Variants in GDPD4 observed in about 807,000 individuals in gnomAD.
The protein encoded by GDPD4 is glycerophosphodiester phosphodiesterase 6.
A neutral mutation model predicts 67.8 loss-of-function variants in GDPD4; 60 were observed. That is an observed-to-expected ratio of 0.88 (90% confidence interval 0.72 to 1.10). GDPD4 has a LOEUF of 1.10. Ranked by LOEUF, GDPD4 falls within the 50% of genes least tolerant of loss-of-function variation. The pLI, the probability that GDPD4 is intolerant of heterozygous loss-of-function variation, is 0.00. For synonymous variants in GDPD4, 212 were observed against 210.9 expected (o/e 1.00, Z -0.04); for missense variants, 623 against 613.9 (o/e 1.01, Z -0.16).
intron 10 of GDPD4, among the ~76,000 whole-genome samples, chr11:77,265,457 G>A (rs1034842571): frequency 6.6e-6 from 1 of 152,034 alleles, no homozygotes; most frequent in Non-Finnish European, 1.5e-5. Flanking sequence ...GAAAGCTAAC[G>A]CAATTCTTTT....
intron 11 of GDPD4, among the ~76,000 whole-genome samples, chr11:77,249,246 C>T (rs1162986672): frequency 8.0e-6 from 1 of 125,598 alleles, no homozygotes; most frequent in Non-Finnish European, 1.6e-5. Flanking sequence ...AGCCTGGCAA[C>T]AGACCGAGAC....
intron 5 of GDPD4, 131 bp downstream of exon 5, chr11:77,276,030 C>T (rs898906679): frequency 4.6e-6 from 3 of 656,310 alleles, no homozygotes; most frequent in Non-Finnish European, 8.2e-6. Context: ...AAGTAAATCT[C>T]TTCTCTCCAA....
At chr11:77,280,467 TG>T (rs1959709826) in intron 3 of GDPD4, among the ~76,000 whole-genome samples, 1 of 151,830 alleles carries the variant, frequency 6.6e-6, no homozygotes, top group Admixed American at 6.6e-5. Flanking sequence ...GCACTCTAGA[TG>T]TAGTCAAAGA....
chr11:77,258,301 A>C (rs1210125516), intron 11 of GDPD4, 85 bp downstream of exon 11: 3 of 1,312,070 alleles, frequency 2.3e-6, no homozygotes, highest in Non-Finnish European at 2.2e-6. Flanking sequence ...GCCTATCTTC[A>C]TCTATGGCCT....
intron 11 of GDPD4, among the ~76,000 whole-genome samples, chr11:77,248,394 G>A (rs186887321): frequency 5.3e-5 from 8 of 151,806 alleles, no homozygotes; most frequent in Non-Finnish European, 8.8e-5. Flanking sequence ...CTAGAGACAG[G>A]GTTTCACCAC....
At chr11:77,244,131 T>A (rs913203271) in intron 12 of GDPD4, among the ~76,000 whole-genome samples, 4 of 152,236 alleles carry the variant, frequency 2.6e-5, no homozygotes, top group Non-Finnish European at 5.9e-5. Context: ...TTCTCCTGCC[T>A]CAGCCTCCCA....
At position 77,217,308 on chromosome 11, in the gene GDPD4, T is replaced by TGAGTA. The variant is rs758101540; in HGVS notation, c.1527_1531dup (p.Gln511LeufsTer14). Reference sequence around the variant, plus strand: ...ATCTTCCTCATTCTTACTTCCACTCTGAGTATCTGTGGGATGGAAAAGACA... The same window carrying TGAGTA: ...ATCTTCCTCATTCTTACTTCCACTCTGAGTAGAGTATCTGTGGGATGGAAAAGACA... On this transcript the variant is annotated frameshift_variant, in exon 17 of 17. Transcript: ENST00000315938. LOFTEE classifies it low-confidence loss of function (END_TRUNC). 131 of 1,604,128 alleles carry TGAGTA rather than the reference T, an allele frequency of 8.2e-5. No individual in the cohort carries two copies. The Middle Eastern group carries it at 8.3e-4, about 10-fold the overall frequency.
intron 1 of GDPD4, among the ~76,000 whole-genome samples, chr11:77,296,946 C>A (rs1937988792): frequency 6.7e-6 from 1 of 150,102 alleles, no homozygotes; most frequent in Admixed American, 6.7e-5. Context: ...CCCAGCTATT[C>A]GGGAGGCTGA....
intron 16 of GDPD4, among the ~76,000 whole-genome samples, chr11:77,222,659 TA>T (rs1175845578): frequency 6.6e-6 from 1 of 152,222 alleles, no homozygotes; most frequent in African/African-American, 2.4e-5. Context: ...TGGCTGCCCT[TA>T]ACATTTTTTC....
intron 1 of GDPD4, among the ~76,000 whole-genome samples, chr11:77,296,584 G>C (rs1396529061): frequency 1.3e-5 from 2 of 151,512 alleles, no homozygotes; most frequent in South Asian, 2.1e-4. Flanking sequence ...GCCTCCCAAA[G>C]TGCTGGGATT....
chr11:77,265,888 T>A (rs1959175849), intron 10 of GDPD4, among the ~76,000 whole-genome samples: 1 of 152,176 alleles, frequency 6.6e-6, no homozygotes, highest in Admixed American at 6.5e-5. Flanking sequence ...TTGAATGTGA[T>A]CTTCAAATGG....
intron 1 of GDPD4, among the ~76,000 whole-genome samples, chr11:77,294,255 A>G (rs906381542): frequency 6.6e-6 from 1 of 152,216 alleles, no homozygotes; most frequent in African/African-American, 2.4e-5. Context: ...ATGCTGGGGG[A>G]AACTGAAACT....
intron 16 of GDPD4, among the ~76,000 whole-genome samples, chr11:77,225,575 T>A (rs897254902): frequency 2.6e-5 from 4 of 152,008 alleles, no homozygotes; most frequent in African/African-American, 9.7e-5. Flanking sequence ...ATAAAAGGAA[T>A]AATCTTAAAA....
intron 1 of GDPD4, among the ~76,000 whole-genome samples, chr11:77,288,215 AG>A (rs1291031602): frequency 6.6e-6 from 1 of 152,096 alleles, no homozygotes; most frequent in African/African-American, 2.4e-5. Flanking sequence ...GGGAGACCAA[AG>A]ATTGGCCCCC....
chr11:77,256,726 G>A (rs1959009439), intron 11 of GDPD4, among the ~76,000 whole-genome samples: 1 of 152,128 alleles, frequency 6.6e-6, no homozygotes, highest in Non-Finnish European at 1.5e-5. Context: ...GCTGGTTGTT[G>A]AAAAGAGCCT....
intron 3 of GDPD4, among the ~76,000 whole-genome samples, chr11:77,280,970 T>C (rs749236190): frequency 1.3e-5 from 2 of 152,248 alleles, no homozygotes; most frequent in Non-Finnish European, 2.9e-5. Context: ...CTGATGACTA[T>C]GCAGAAGTCC....
intron 7 of GDPD4, 138 bp from the exon 8 acceptor site, chr11:77,270,098 G>A (rs1206157163): frequency 3.7e-6 from 2 of 533,498 alleles, no homozygotes; most frequent in East Asian, 6.1e-5. Context: ...TATCTATGCA[G>A]TCTTTCTCTT....
Position 77,271,236 on chromosome 11 carries a change from CAA to C in GDPD4, c.307-15_307-14del, listed in dbSNP as rs780489446. ...AGGGAGCAAAGATCTGTGAGAAAGC[CAA>C]AAGTCAGGCTGGATACATCTAGACA... On this transcript the variant is annotated splice_polypyrimidine_tract_variant and intron_variant, in intron 6 of 16. Coordinates refer to ENST00000315938, the MANE Select transcript of GDPD4 (RefSeq NM_182833.3). 1.2e-6 allele frequency: 2 copies of C among 1,611,224 alleles called. No homozygotes were observed. Among genetic ancestry groups the C allele is most frequent in the African/African-American group, 1.3e-5 (1 of 74,822 alleles).
At chr11:77,251,342 GTGATTA>G (rs1198632127) in intron 11 of GDPD4, among the ~76,000 whole-genome samples, 1 of 151,738 alleles carries the variant, frequency 6.6e-6, no homozygotes, top group African/African-American at 2.4e-5. Flanking sequence ...TTTCATAATG[GTGATTA>G]TCACCTTTTT....
Sources: allele counts gnomAD v4.1 joint callset (sites outside exome capture counted in the v4.1 genomes callset), GRCh38; gene constraint gnomAD v4.1.1; transcripts MANE v1.5; gene names NCBI Gene and HGNC (gene_info 2026-07-23, HGNC 2026-07-21).